The following MAB21L4 variants were observed in gnomAD, a reference collection of about 807,000 sequenced individuals.
MAB21L4 encodes the protein protein mab-21-like 4.
MAB21L4 carries 25 observed loss-of-function variants against 32.4 expected under a neutral mutation model. That is an observed-to-expected ratio of 0.77 (90% confidence interval 0.56 to 1.08). The LOEUF is 1.08. MAB21L4 is among the 50% of genes least tolerant of loss of function. The pLI is 0.00. For missense variants in MAB21L4, 638 were observed against 611.0 expected (o/e 1.04, Z -0.47); for synonymous variants, 280 against 276.8 (o/e 1.01, Z -0.11).
At chr2:240,893,683 G>A (rs1333088533) in intron 1 of MAB21L4, among the ~76,000 whole-genome samples, 2 of 152,242 alleles carry the variant, frequency 1.3e-5, no homozygotes, top group African/African-American at 2.4e-5. Flanking sequence ...CCAGCCCAGC[G>A]CAGCTTCAGG....
rs780262336 is a variant in MAB21L4 at position 240,888,509 on chromosome 2, C to A, written c.1034G>T (p.Arg345Leu). Reference sequence around the variant, plus strand: ...CAGGCCGCTGCCCTGCAGCAGGTTGCGCTGCGGGTGGAGGAAGTGGGGCAG... The same window carrying A: ...CAGGCCGCTGCCCTGCAGCAGGTTGAGCTGCGGGTGGAGGAAGTGGGGCAG... ...RKLPHFLHPQ[R>L]NLLQGSGLDL... Residue 345 changes from arginine (R) to leucine (L), a missense_variant, in exon 4 of 5, where the codon CGC becomes CTC. Physicochemically the swap from Arg to Leu is moderately radical, Grantham distance 102. Coordinates refer to ENST00000388934, the MANE Select transcript of MAB21L4 (RefSeq NM_001085437.3). 2.3e-4 allele frequency: 366 copies of A among 1,606,512 alleles called. No individual in the cohort carries two copies. The highest frequency in any genetic ancestry group is 3.0e-4 in the Non-Finnish European group (348 of 1,178,926).
At position 240,888,369 on chromosome 2, in the gene MAB21L4, G is replaced by T. The variant is rs2059114019; in HGVS notation, c.1174C>A (p.Leu392Ile). 2.5e-6 allele frequency: 4 copies of T among 1,570,596 alleles called. No homozygotes were observed. In the East Asian group the frequency reaches 9.4e-5, roughly 37 times the overall value. Residue 392 changes from leucine to isoleucine, a missense_variant, in exon 4 of 5, where the codon CTC becomes ATC. By Grantham distance (5) the Leu-to-Ile change is conservative (BLOSUM62 2). Coordinates refer to ENST00000388934, the MANE Select transcript of MAB21L4 (RefSeq NM_001085437.3). ...RSPPPRIGSG[L>I]KALLQLPASD... ...GCTGGCAGCTGCAGGAGCGCCTTGAGCCCGGAGCCGATGCGCGGCGGGGGG... is the reference window on the plus strand; with the variant it reads ...GCTGGCAGCTGCAGGAGCGCCTTGATCCCGGAGCCGATGCGCGGCGGGGGG...
At chr2:240,891,480 G>A in intron 2 of MAB21L4, 58 bp downstream of exon 2, 2 of 1,461,142 alleles carry the variant, frequency 1.4e-6, no homozygotes, top group South Asian at 1.3e-5. Context: ...GAGCATGGGG[G>A]CAGTGGCCCC....
At chr2:240,893,243 A>G (rs1010479912) in intron 1 of MAB21L4, among the ~76,000 whole-genome samples, 2 of 152,104 alleles carry the variant, frequency 1.3e-5, no homozygotes, top group Non-Finnish European at 2.9e-5. Flanking sequence ...GTCCTTCCGG[A>G]GGGAGCCTGG....
intron 3 of MAB21L4, among the ~76,000 whole-genome samples, chr2:240,889,514 G>C (rs548489221): frequency 2.6e-5 from 4 of 152,354 alleles, no homozygotes; most frequent in Admixed American, 1.3e-4. Flanking sequence ...CCTGTTCCTT[G>C]TTCTTCTCAG....
In MAB21L4 at chr2:240,893,526, C is replaced by T. The variant is rs536505223; in HGVS notation, c.515-1763G>A. On this transcript the variant is annotated intron_variant, in intron 1 of 4. Transcript: ENST00000388934. ...GACCTGGCAGCTTGGAAGGCAGCTG[C>T]AACTGCACCAGCCCGGCCACAGGCC... is the stretch of plus-strand genomic sequence containing the variant. Among the ~76,000 whole-genome samples, 555 of 152,360 alleles carry T rather than the reference C, an allele frequency of 3.6e-3. 20 individuals are homozygous for T. The highest frequency in any genetic ancestry group is 1.5e-3 in the East Asian group (8 of 5,180).
intron 1 of MAB21L4, chr2:240,891,983 C>T (rs776712308): frequency 1.3e-6 from 2 of 1,534,394 alleles, no homozygotes; most frequent in South Asian, 1.2e-5. Context: ...CATGCCTGCC[C>T]AATGGTGACA....
intron 4 of MAB21L4, among the ~76,000 whole-genome samples, chr2:240,887,737 C>T (rs1250963057): frequency 6.6e-6 from 1 of 152,096 alleles, no homozygotes; most frequent in African/African-American, 2.4e-5. Context: ...GGGTGAGGGC[C>T]GGGCCCTGGG....
chr2:240,890,259 G>A, intron 2 of MAB21L4, 101 bp from the exon 3 acceptor site: 1 of 1,407,198 alleles, frequency 7.1e-7, no homozygotes, highest in Non-Finnish European at 9.5e-7. Context: ...CCAGGGTCGT[G>A]CTGTGCTGCG....
chr2:240,890,251 A>G (rs1230274419), intron 2 of MAB21L4, 93 bp from the exon 3 acceptor site: 1 of 1,465,156 alleles, frequency 6.8e-7, no homozygotes, highest in Non-Finnish European at 9.1e-7. Context: ...GGCCCTGGCC[A>G]GGGTCGTGCT....
intron 2 of MAB21L4, 48 bp downstream of exon 2, chr2:240,891,490 C>T: frequency 6.6e-7 from 1 of 1,509,032 alleles, no homozygotes; most frequent in South Asian, 1.3e-5. Flanking sequence ...GCAGTGGCCC[C>T]TTCCTGCCCC....
At chr2:240,894,349 C>T (rs2059173128) in intron 1 of MAB21L4, among the ~76,000 whole-genome samples, 1 of 152,150 alleles carries the variant, frequency 6.6e-6, no homozygotes, top group African/African-American at 2.4e-5. Context: ...AGTTCCCTTC[C>T]AGGACAACCT....
chr2:240,890,030 T>A lies in MAB21L4; in HGVS notation c.869A>T (p.Asp290Val). 3.7e-6 allele frequency: 6 copies of A among 1,612,224 alleles called. No individual in the cohort carries two copies. The highest frequency in any genetic ancestry group is 5.1e-6 in the Non-Finnish European group (6 of 1,178,804). Residue 290 changes from aspartate (D) to valine (V), a missense_variant, in exon 3 of 5, where the codon GAC becomes GTC. Transcript: ENST00000388934. The stretch of plus-strand genomic sequence containing the variant: ...CTTCAGGTGGCCAAAGGTCAGGCCG[T>A]CAGTCTGGCCACTGTCACGCCAGCT... Reference protein sequence around the residue: ...HESWRDSGQTDGLTFGHLKMV... With the variant: ...HESWRDSGQTVGLTFGHLKMV...
chr2:240,889,028 C>T (rs560495628), intron 3 of MAB21L4, among the ~76,000 whole-genome samples: 6 of 152,140 alleles, frequency 3.9e-5, no homozygotes, highest in South Asian at 2.1e-4. Context: ...CCCAACCCAA[C>T]GGGCCCATGG....
rs371793664 is a variant in MAB21L4, at chr2:240,889,994, G to C, written c.894+11C>G. 1 of 1,600,314 alleles carries C rather than the reference G, an allele frequency of 6.2e-7. No homozygotes were observed. Among genetic ancestry groups the C allele is most frequent in the East Asian group, 2.3e-5 (1 of 44,402 alleles). ...GGTGACAGACAACCCGCCGAGTCCCGCCCTGGGTACCTTCAGGTGGCCAAA... is the reference window on the plus strand; with the variant it reads ...GGTGACAGACAACCCGCCGAGTCCCCCCCTGGGTACCTTCAGGTGGCCAAA... On this transcript the variant is annotated intron_variant, in intron 3 of 4. Coordinates refer to ENST00000388934, the MANE Select transcript of MAB21L4 (RefSeq NM_001085437.3).
chr2:240,888,182 A>G, intron 4 of MAB21L4, 110 bp downstream of exon 4: 1 of 903,208 alleles, frequency 1.1e-6, no homozygotes, highest in Non-Finnish European at 1.6e-6. Flanking sequence ...TGGCCTCAGC[A>G]TTCCTGGGGC....
In MAB21L4 at chr2:240,896,120, G is replaced by T. The variant is rs1410519154; in HGVS notation, c.-123C>A. 111 of 1,360,390 alleles carry T rather than the reference G, an allele frequency of 8.2e-5. No individual in the cohort carries two copies. The highest frequency in any genetic ancestry group is 1.0e-4 in the Non-Finnish European group (106 of 1,063,916). The allele number at this position is 1,360,390 out of a possible 1,614,324, so 84.3% of individuals were successfully genotyped here. A position where few individuals can be genotyped will look rare whatever the true frequency, so the allele number is the denominator to read the frequency against. ...CAGCAGGTCTGCAGGTGGGGCCTCA[G>T]CTCCCACACAGCAGAATTCCAGAGT... is the stretch of plus-strand genomic sequence containing the variant. On this transcript the variant is annotated 5_prime_UTR_variant, in exon 1 of 5. The change creates a new upstream start codon in the 5' untranslated region. Transcript: ENST00000388934.
chr2:240,891,603 C>G lies in MAB21L4; in HGVS notation c.675G>C (p.Glu225Asp). Residue 225 changes from glutamate to aspartate, a missense_variant, in exon 2 of 5, where the codon GAG becomes GAC. Coordinates refer to ENST00000388934, the MANE Select transcript of MAB21L4 (RefSeq NM_001085437.3). ...EGVQQMPGFP[E>D]GSLRRILSQG... ...GGCTGAGGATCCTTCTCAAGCTGCC[C>G]TCAGGGAATCCGGGCATCTGCTGCA... The G allele has an allele frequency of 6.2e-7, 1 of 1,610,198 alleles. No homozygotes were observed. The highest frequency in any genetic ancestry group is 8.5e-7 in the Non-Finnish European group (1 of 1,179,960).
At chr2:240,888,265 C>T in intron 4 of MAB21L4, 27 bp downstream of exon 4, 1 of 1,506,782 alleles carries the variant, frequency 6.6e-7, no homozygotes, top group Non-Finnish European at 8.9e-7. Context: ...CCCGGGCCTG[C>T]CCAAGGCCCC....
Sources: allele counts gnomAD v4.1 joint callset (sites outside exome capture counted in the v4.1 genomes callset), GRCh38; gene constraint gnomAD v4.1.1; transcripts MANE v1.5; gene names NCBI Gene and HGNC (gene_info 2026-07-23, HGNC 2026-07-21).